Variants in XRCC4 observed in about 807,000 individuals in gnomAD.
XRCC4 encodes the protein X-ray repair cross complementing 4, also known as DNA repair protein XRCC4.
Under a neutral mutation model 39.1 loss-of-function variants are expected in XRCC4, and 28 were observed. The ratio of observed to expected loss-of-function variants is 0.72; its 90% CI spans 0.53 to 0.98. XRCC4 has a LOEUF of 0.98. XRCC4 is among the 50% of genes least tolerant of loss of function. The pLI is 0.00. For synonymous variants in XRCC4, 123 were observed against 126.4 expected (o/e 0.97, Z 0.18); for missense variants, 350 against 376.4 (o/e 0.93, Z 0.58).
intron 7 of XRCC4, among the ~76,000 whole-genome samples, chr5:83,315,582 G>C (rs892198874): frequency 6.6e-6 from 1 of 152,114 alleles, no homozygotes; most frequent in African/African-American, 2.4e-5. Flanking sequence ...GTTGAAGCCA[G>C]TGCTCATTTA....
intron 7 of XRCC4, among the ~76,000 whole-genome samples, chr5:83,316,359 C>T (rs905906332): frequency 6.6e-6 from 1 of 152,024 alleles, no homozygotes; most frequent in Non-Finnish European, 1.5e-5. Flanking sequence ...ACAATATTAA[C>T]TTTAAATATA....
At chr5:83,348,999 A>G (rs1481086216) in intron 7 of XRCC4, among the ~76,000 whole-genome samples, 1 of 152,108 alleles carries the variant, frequency 6.6e-6, no homozygotes, top group African/African-American at 2.4e-5. Flanking sequence ...CCTGGACTTT[A>G]TTGTCCATAT....
chr5:83,141,951 C>T (rs573987762), intron 3 of XRCC4, among the ~76,000 whole-genome samples: 1 of 152,118 alleles, frequency 6.6e-6, no homozygotes, highest in East Asian at 1.9e-4. Context: ...CTCTCTATAT[C>T]TTTTACACCT....
At chr5:83,362,226 T>C in the XRCC4 span, among the ~76,000 whole-genome samples, 1 of 148,302 alleles carries the variant, frequency 6.7e-6, no homozygotes, top group Admixed American at 6.9e-5. Context: ...TTAAGGAGAA[T>C]TTGTGATTAA....
intron 7 of XRCC4, among the ~76,000 whole-genome samples, chr5:83,329,742 A>G (rs1031283989): frequency 6.6e-6 from 1 of 152,134 alleles, no homozygotes; most frequent in Admixed American, 6.6e-5. Flanking sequence ...GAAATCTCAA[A>G]CAAACTCAAA....
chr5:83,249,849 T>C (rs559641250), intron 6 of XRCC4, among the ~76,000 whole-genome samples: 46 of 152,302 alleles, frequency 3.0e-4, no homozygotes, highest in African/African-American at 9.9e-4. Context: ...GCTGGTAATA[T>C]ATTATTTTCA....
the XRCC4 span, among the ~76,000 whole-genome samples, chr5:83,365,683 T>C: frequency 1.3e-5 from 2 of 152,146 alleles, no homozygotes; most frequent in Non-Finnish European, 2.9e-5. Context: ...ATAAAAATCA[T>C]CCCCTAGATT....
rs1752085044 is a variant in XRCC4 at position 83,221,590 on chromosome 5, A to G, written c.745+16669A>G. Among the ~76,000 whole-genome samples, 4 of 152,194 alleles carry G rather than the reference A, an allele frequency of 2.6e-5. No homozygotes were observed. The South Asian group carries it at 8.3e-4, about 32-fold the overall frequency. ...AAAATAATTTAGAGCTCCTTAAAAG[A>G]GGTGAAATATATTATTTCTTTCTCA... is the stretch of plus-strand genomic sequence containing the variant. On this transcript the variant is annotated intron_variant, in intron 6 of 7. Transcript: ENST00000396027.
chr5:83,100,799 G>GA, intron 1 of XRCC4, among the ~76,000 whole-genome samples: 1 of 152,070 alleles, frequency 6.6e-6, no homozygotes, highest in South Asian at 2.1e-4. Flanking sequence ...GATTGGCATA[G>GA]AAAAACAGTA....
intron 6 of XRCC4, among the ~76,000 whole-genome samples, chr5:83,257,679 A>T (rs1249725958): frequency 6.6e-6 from 1 of 152,214 alleles, no homozygotes; most frequent in Non-Finnish European, 1.5e-5. Flanking sequence ...CAGCAATCCC[A>T]TTACTGGGTA....
At chr5:83,241,061 C>T (rs1752889150) in intron 6 of XRCC4, among the ~76,000 whole-genome samples, 1 of 151,912 alleles carries the variant, frequency 6.6e-6, no homozygotes, top group African/African-American at 2.4e-5. Context: ...CATGGCAAAA[C>T]TCTGTTTCTA....
the XRCC4 span, among the ~76,000 whole-genome samples, chr5:83,359,175 A>G: frequency 1.2e-4 from 18 of 152,180 alleles, no homozygotes; most frequent in Admixed American, 6.6e-4. Context: ...AGGGCAGGAA[A>G]CAAGAGAAGC....
At chr5:83,251,174 A>G (rs1753295145) in intron 6 of XRCC4, among the ~76,000 whole-genome samples, 1 of 152,208 alleles carries the variant, frequency 6.6e-6, no homozygotes, top group African/African-American at 2.4e-5. Flanking sequence ...GGAGGAATAA[A>G]TGAATTCTTA....
chr5:83,239,612 G>A (rs984672296), intron 6 of XRCC4, among the ~76,000 whole-genome samples: 1 of 151,426 alleles, frequency 6.6e-6, no homozygotes, highest in Non-Finnish European at 1.5e-5. Flanking sequence ...GGTGGATCAC[G>A]AGATCAGGAG....
intron 3 of XRCC4, among the ~76,000 whole-genome samples, chr5:83,155,220 CATATCATGAGTGTAT>C (rs1748901634): frequency 6.6e-6 from 1 of 152,058 alleles, no homozygotes; most frequent in South Asian, 2.1e-4. Context: ...GAAATACACT[CATATCATGAGTGTAT>C]ATGATTCTTG....
chr5:83,134,659 G>A (rs1357496768), intron 3 of XRCC4, among the ~76,000 whole-genome samples: 1 of 152,174 alleles, frequency 6.6e-6, no homozygotes, highest in Non-Finnish European at 1.5e-5. Context: ...AATAAACGCA[G>A]GCAACCTGAG....
chr5:83,245,888 C>T (rs1026012246), intron 6 of XRCC4, among the ~76,000 whole-genome samples: 6 of 150,574 alleles, frequency 4.0e-5, no homozygotes, highest in Non-Finnish European at 7.4e-5. Flanking sequence ...CTACTTCCCT[C>T]TGCAACAATC....
chr5:83,188,197 T>G (rs2112673962), intron 3 of XRCC4, among the ~76,000 whole-genome samples: 1 of 152,186 alleles, frequency 6.6e-6, no homozygotes, highest in Admixed American at 6.5e-5. Context: ...AAGCTGCAAT[T>G]AAGGTGTTGT....
chr5:83,305,174 CT>C (rs1359721219), intron 7 of XRCC4, among the ~76,000 whole-genome samples: 3 of 151,954 alleles, frequency 2.0e-5, no homozygotes, highest in Non-Finnish European at 2.9e-5. Flanking sequence ...TCCCATATAC[CT>C]CATACTCAGT....
Sources: gnomAD v4.1 joint callset for allele counts (sites outside exome capture counted in the v4.1 genomes callset) on GRCh38, gnomAD v4.1.1 for gene constraint, MANE v1.5 for transcripts, NCBI Gene and HGNC (gene_info 2026-07-23, HGNC 2026-07-21) for gene names.